Variants in MCTP1 observed in about 807,000 individuals in gnomAD.
MCTP1 encodes the protein multiple C2 and transmembrane domain-containing protein 1.
Under a neutral mutation model 120.6 loss-of-function variants are expected in MCTP1, and 69 were observed. That is an observed-to-expected ratio of 0.57 (90% CI 0.47 to 0.70). MCTP1 has a LOEUF of 0.70. Ranked by LOEUF, MCTP1 falls within the 30% of genes least tolerant of loss-of-function variation. MCTP1 has a pLI of 0.00. For synonymous variants in MCTP1, 529 were observed against 493.1 expected (o/e 1.07, Z -0.96); for missense variants, 1,203 against 1,248.8 (o/e 0.96, Z 0.55).
chr5:94,871,275 A>G (rs773523245), intron 14 of MCTP1, 40 bp downstream of exon 14: 7 of 1,223,660 alleles, frequency 5.7e-6, no homozygotes, highest in Non-Finnish European at 6.0e-6. Context: ...TCCGTGAGCA[A>G]AAGCAACACA....
chr5:95,076,210 C>T (rs1753524401), intron 1 of MCTP1, among the ~76,000 whole-genome samples: 1 of 150,690 alleles, frequency 6.6e-6, no homozygotes, highest in Non-Finnish European at 1.5e-5. Flanking sequence ...TGGCCTCTCT[C>T]TCTGTCTCTC....
At chr5:94,919,630 T>C (rs1017714091) in intron 7 of MCTP1, among the ~76,000 whole-genome samples, 2 of 152,222 alleles carry the variant, frequency 1.3e-5, no homozygotes, top group Non-Finnish European at 2.9e-5. Context: ...CATGTGCTTT[T>C]ATTTAATCAA....
At chr5:95,212,294 T>A (rs1418957548) in intron 1 of MCTP1, among the ~76,000 whole-genome samples, 3 of 151,902 alleles carry the variant, frequency 2.0e-5, no homozygotes, top group Non-Finnish European at 1.5e-5. Context: ...ACACATACCC[T>A]CTCCCAAGAC....
intron 1 of MCTP1, among the ~76,000 whole-genome samples, chr5:95,022,690 T>G (rs1274476213): frequency 6.6e-6 from 1 of 152,156 alleles, no homozygotes; most frequent in Non-Finnish European, 1.5e-5. Flanking sequence ...CCTACACTCA[T>G]GTAATGCATC....
intron 7 of MCTP1, among the ~76,000 whole-genome samples, chr5:94,922,546 TG>T (rs1224748301): frequency 6.6e-6 from 1 of 151,814 alleles, no homozygotes; most frequent in Non-Finnish European, 1.5e-5. Context: ...TGGTGTGCAA[TG>T]GCGCAATCGC....
chr5:95,196,445 T>C (rs1312636032), intron 1 of MCTP1, among the ~76,000 whole-genome samples: 1 of 152,162 alleles, frequency 6.6e-6, no homozygotes, highest in Non-Finnish European at 1.5e-5. Flanking sequence ...TGAGGTTAAA[T>C]ACAGATCTGC....
chr5:94,749,397 G>A (rs1166840726), intron 19 of MCTP1, among the ~76,000 whole-genome samples: 1 of 152,104 alleles, frequency 6.6e-6, no homozygotes, highest in African/African-American at 2.4e-5. Flanking sequence ...GCTCACGTCT[G>A]TAATCCCAGC....
chr5:95,269,718 A>C (rs1759206567), intron 1 of MCTP1, among the ~76,000 whole-genome samples: 2 of 152,220 alleles, frequency 1.3e-5, no homozygotes, highest in Admixed American at 1.3e-4. Context: ...CCTGGAAATT[A>C]TGGCCTTGGT....
At chr5:95,163,574 A>G (rs1040277462) in intron 1 of MCTP1, among the ~76,000 whole-genome samples, 6 of 152,240 alleles carry the variant, frequency 3.9e-5, no homozygotes, top group African/African-American at 4.8e-5. Context: ...GTAACACTGC[A>G]TATTCAATAG....
chr5:94,998,361 A>G (rs182187999), intron 2 of MCTP1, among the ~76,000 whole-genome samples: 6 of 152,340 alleles, frequency 3.9e-5, no homozygotes, highest in Non-Finnish European at 8.8e-5. Flanking sequence ...TAGCCACAGC[A>G]GAGAAAAGGA....
intron 10 of MCTP1, among the ~76,000 whole-genome samples, chr5:94,903,082 C>G (rs564507599): frequency 3.3e-5 from 5 of 152,154 alleles, no homozygotes; most frequent in Admixed American, 1.3e-4. Context: ...CGAAAATCAA[C>G]GACAAACTCC....
chr5:94,820,441 C>T (rs761944076), intron 17 of MCTP1, among the ~76,000 whole-genome samples: 12 of 152,142 alleles, frequency 7.9e-5, no homozygotes, highest in African/African-American at 1.2e-4. Context: ...TTTCATAACA[C>T]CTTCTTTAAC....
At chr5:95,013,513 G>A (rs374719402) in intron 2 of MCTP1, among the ~76,000 whole-genome samples, 9 of 152,106 alleles carry the variant, frequency 5.9e-5, no homozygotes, top group African/African-American at 2.2e-4. Context: ...ACCTTAAGTT[G>A]ATGCCAATGC....
intron 1 of MCTP1, among the ~76,000 whole-genome samples, chr5:95,125,559 C>T (rs1758558256): frequency 1.3e-5 from 2 of 152,184 alleles, no homozygotes; most frequent in Admixed American, 1.3e-4. Flanking sequence ...TTCTCCATCC[C>T]CACACAAAGA....
At chr5:94,860,318 T>C (rs1463627639) in intron 17 of MCTP1, among the ~76,000 whole-genome samples, 1 of 151,722 alleles carries the variant, frequency 6.6e-6, no homozygotes, top group African/African-American at 2.4e-5. Flanking sequence ...GTGCAATGTC[T>C]GGATAAAACC....
intron 17 of MCTP1, among the ~76,000 whole-genome samples, chr5:94,813,746 G>A (rs1783913740): frequency 6.6e-6 from 1 of 152,026 alleles, no homozygotes; most frequent in Admixed American, 6.6e-5. Flanking sequence ...AAATTAGCTG[G>A]GAGGGGTGGC....
intron 2 of MCTP1, among the ~76,000 whole-genome samples, chr5:95,006,724 CTT>C (rs1162037557): frequency 6.6e-6 from 1 of 152,164 alleles, no homozygotes; most frequent in Non-Finnish European, 1.5e-5. Flanking sequence ...AGAGACAAAA[CTT>C]TCTCTGATGA....
At chr5:95,177,419 G>C (rs1405193870) in intron 1 of MCTP1, among the ~76,000 whole-genome samples, 1 of 152,146 alleles carries the variant, frequency 6.6e-6, no homozygotes, top group African/African-American at 2.4e-5. Flanking sequence ...CCATTGGCTG[G>C]ATTAATGAAG....
intron 1 of MCTP1, among the ~76,000 whole-genome samples, chr5:95,027,777 C>A (rs1286141517): frequency 1.3e-5 from 2 of 152,158 alleles, no homozygotes; most frequent in East Asian, 3.8e-4. Context: ...CCTCTTCTGG[C>A]CTTCTTTGAG....
Sources: allele counts gnomAD v4.1 joint callset (sites outside exome capture counted in the v4.1 genomes callset), GRCh38; gene constraint gnomAD v4.1.1; transcripts MANE v1.5; gene names NCBI Gene and HGNC (gene_info 2026-07-23, HGNC 2026-07-21).